HK2: variants seen among roughly 807,000 people sequenced by gnomAD.
HK2 encodes hexokinase-2.
A neutral mutation model predicts 92.9 loss-of-function variants in HK2; 42 were observed. That is an observed-to-expected ratio of 0.45 (90% CI 0.35 to 0.58). The LOEUF is 0.58. HK2 is among the 20% of genes least tolerant of loss of function. The probability of loss-of-function intolerance (pLI) is 0.00; values close to 1 mark genes in which losing one functional copy is unlikely to be tolerated. For synonymous variants in HK2, 422 were observed against 468.0 expected (o/e 0.90, Z 1.27); for missense variants, 978 against 1,245.1 (o/e 0.79, Z 3.23).
chr2:74,873,799 C>A, intron 5 of HK2, 45 bp from the exon 6 acceptor site: 2 of 1,360,628 alleles, frequency 1.5e-6, no homozygotes, highest in Non-Finnish European at 2.1e-6. Context: ...GGAAAGTCGC[C>A]CTCTGTGATG....
At chr2:74,867,995 G>A (rs1689001311) in intron 3 of HK2, 1 of 577,380 alleles carries the variant, frequency 1.7e-6, no homozygotes, top group South Asian at 1.7e-5. Flanking sequence ...ATTAAAAGGA[G>A]TGACTAGAGA....
chr2:74,868,313 A>G (rs900326531), intron 3 of HK2, among the ~76,000 whole-genome samples: 4 of 152,170 alleles, frequency 2.6e-5, no homozygotes, highest in African/African-American at 9.7e-5. Flanking sequence ...ACGTGGCTCC[A>G]GTATAACGTC....
At chr2:74,858,886 C>T (rs192945608) in intron 2 of HK2, among the ~76,000 whole-genome samples, 250 of 146,012 alleles carry the variant, frequency 1.7e-3, no homozygotes, top group African/African-American at 5.7e-3. Flanking sequence ...CACTGAACCC[C>T]GTAGGGGTGA....
At chr2:74,882,731 C>CTACAGAAAG (rs1689434811) in intron 12 of HK2, among the ~76,000 whole-genome samples, 1 of 151,270 alleles carries the variant, frequency 6.6e-6, no homozygotes, top group African/African-American at 2.4e-5. Context: ...AATACCCATT[C>CTACAGAAAG]TACAGAAAGG....
chr2:74,849,863 A>G (rs749491120), intron 1 of HK2, among the ~76,000 whole-genome samples: 5 of 152,230 alleles, frequency 3.3e-5, no homozygotes, highest in African/African-American at 1.2e-4. Flanking sequence ...TAGGATTTGC[A>G]TACTGGTGTT....
In HK2 at chr2:74,834,518, C is replaced by T. The variant is rs1688101125; in HGVS notation, c.-63C>T. On this transcript the variant is annotated 5_prime_UTR_variant, in exon 1 of 18. Transcript: ENST00000290573. The surrounding 1 kb of genome is among the most constrained non-coding windows in gnomAD (Gnocchi z 4.2). ...AGCACAAAGCAGTCGGACCGCGCCGCCCGCCTCCCCTCTCGCGTCTCCGCC... is the reference window on the plus strand; with the variant it reads ...AGCACAAAGCAGTCGGACCGCGCCGTCCGCCTCCCCTCTCGCGTCTCCGCC... The T allele has an allele frequency of 6.5e-7, 1 of 1,547,562 alleles. No homozygotes were observed. Among genetic ancestry groups the T allele is most frequent in the Non-Finnish European group, 8.9e-7 (1 of 1,120,604 alleles).
At position 74,873,256 on chromosome 2, in the gene HK2, A is replaced by G. The variant is rs772522655; in HGVS notation, c.496-20A>G. 136 of 1,575,664 alleles carry G rather than the reference A, an allele frequency of 8.6e-5. 1 individual carries two copies. The South Asian group carries it at 1.4e-3, about 17-fold the overall frequency. On this transcript the variant is annotated intron_variant, in intron 4 of 17. Transcript: ENST00000290573. ...CAGTTTTAGTGGGAAATCAATATTCACTTCTTGGTCCCTTTCCAGAGTTTC... is the reference window on the plus strand; with the variant it reads ...CAGTTTTAGTGGGAAATCAATATTCGCTTCTTGGTCCCTTTCCAGAGTTTC...
intron 17 of HK2, 101 bp from the exon 18 acceptor site, chr2:74,890,696 T>C: frequency 8.0e-7 from 1 of 1,252,522 alleles, no homozygotes; most frequent in South Asian, 1.2e-5. Flanking sequence ...TAATTATTTC[T>C]GTGTTTCCAG....
chr2:74,842,976 C>T (rs1688351481), intron 1 of HK2, among the ~76,000 whole-genome samples: 1 of 152,226 alleles, frequency 6.6e-6, no homozygotes, highest in African/African-American at 2.4e-5. Flanking sequence ...ATTGTGGAGG[C>T]TGCTTACTTG....
At chr2:74,887,154 A>G (rs1347927676) in intron 15 of HK2, among the ~76,000 whole-genome samples, 2 of 152,220 alleles carry the variant, frequency 1.3e-5, no homozygotes, top group African/African-American at 4.8e-5. Flanking sequence ...ACTTCTCATT[A>G]AGATGTTGTC....
intron 3 of HK2, among the ~76,000 whole-genome samples, chr2:74,868,703 G>A (rs1689022261): frequency 6.6e-6 from 1 of 152,066 alleles, no homozygotes; most frequent in Non-Finnish European, 1.5e-5. Context: ...CTCCTGCCTT[G>A]GGCCACATCC....
At chr2:74,864,753 C>T (rs527577374) in intron 2 of HK2, among the ~76,000 whole-genome samples, 54 of 152,334 alleles carry the variant, frequency 3.5e-4, no homozygotes, top group African/African-American at 1.1e-3. Flanking sequence ...GTAATCTGCC[C>T]GCCTTGGCCT....
At chr2:74,889,209 C>A in intron 16 of HK2, 36 bp from the exon 17 acceptor site, 1 of 1,549,000 alleles carries the variant, frequency 6.5e-7, no homozygotes, top group Non-Finnish European at 8.9e-7. Context: ...CTTCTTGGTG[C>A]ATGACTGAAC....
chr2:74,884,250 C>T (rs143415123), intron 12 of HK2, among the ~76,000 whole-genome samples: 4 of 152,256 alleles, frequency 2.6e-5, no homozygotes, highest in South Asian at 2.1e-4. Flanking sequence ...GGTCTAGAGC[C>T]GTAAAAATTA....
At chr2:74,849,548 A>T (rs1471158346) in intron 1 of HK2, among the ~76,000 whole-genome samples, 1 of 152,182 alleles carries the variant, frequency 6.6e-6, no homozygotes, top group Non-Finnish European at 1.5e-5. Context: ...TAGAGATTTA[A>T]AGAGAAGCAG....
chr2:74,887,782 T>C, intron 15 of HK2, 121 bp from the exon 16 acceptor site: 1 of 873,620 alleles, frequency 1.1e-6, no homozygotes, highest in Non-Finnish European at 1.9e-6. Context: ...TCCTTTCCCA[T>C]CAGGGGAGTC....
At position 74,891,171 on chromosome 2, in the gene HK2, C is replaced by T. The variant is rs1689669189; in HGVS notation, c.*230C>T. The T allele has an allele frequency of 1.8e-6, 1 of 560,822 alleles. No homozygotes were observed. The highest frequency in any genetic ancestry group is 1.9e-5 in the African/African-American group (1 of 53,118). 34.7% of individuals were successfully genotyped at this position (560,822 alleles called of 1,614,324 possible). ...AGGATTTGTTCACATGCATCATAAC[C>T]ATTCCCATTGGTTCTCCTAAAACAT... On this transcript the variant is annotated 3_prime_UTR_variant, in exon 18 of 18. Coordinates refer to ENST00000290573, the MANE Select transcript of HK2 (RefSeq NM_000189.5).
rs1440205300 is a variant in HK2 at position 74,893,133 on chromosome 2, T to C, written c.*2192T>C. On this transcript the variant is annotated 3_prime_UTR_variant, in exon 18 of 18. Transcript: ENST00000290573. ...AACACTGGAAAATAAATTTTGAATG[T>C]TTATGTTCTCAGAATCAGGTTGACA... is the stretch of plus-strand genomic sequence containing the variant. The C allele has an allele frequency of 6.6e-6, 1 of 151,936 alleles. No individual in the cohort carries two copies. Among genetic ancestry groups the C allele is most frequent in the Non-Finnish European group, 1.5e-5 (1 of 67,984 alleles). The allele number at this position is 151,936 out of a possible 1,614,324, so 9.4% of individuals were successfully genotyped here. A position where few individuals can be genotyped will look rare whatever the true frequency, so the allele number is the denominator to read the frequency against.
chr2:74,885,597 A>G lies in HK2; in HGVS notation c.1935+8A>G. On this transcript the variant is annotated splice_region_variant and intron_variant, in intron 13 of 17. Coordinates refer to ENST00000290573, the MANE Select transcript of HK2 (RefSeq NM_000189.5). The stretch of plus-strand genomic sequence containing the variant: ...GCGATCCACCGGCGAGAGGTAGGAG[A>G]CACATGGCACGAGGTCTGATGTGTC... The G allele has an allele frequency of 6.3e-7, 1 of 1,587,502 alleles. No homozygotes were observed. The highest frequency in any genetic ancestry group is 8.7e-7 in the Non-Finnish European group (1 of 1,155,786).
Sources: allele counts gnomAD v4.1 joint callset (sites outside exome capture counted in the v4.1 genomes callset), GRCh38; gene constraint gnomAD v4.1.1; non-coding constraint Gnocchi (gnomAD v3.1); transcripts MANE v1.5; gene names NCBI Gene and HGNC (gene_info 2026-07-23, HGNC 2026-07-21).